The following CCSER1 variants were observed in gnomAD, a reference collection of about 807,000 sequenced individuals.
CCSER1 encodes serine-rich coiled-coil domain-containing protein 1.
In CCSER1, 41 loss-of-function variants were observed where a neutral mutation model predicts 82.0. That is an observed-to-expected ratio of 0.50 (90% CI 0.39 to 0.65). CCSER1 has a LOEUF of 0.65. CCSER1 is among the 30% of genes least tolerant of loss of function. CCSER1 has a pLI of 0.00. For missense variants in CCSER1, 1,119 were observed against 1,064.2 expected, an observed-to-expected ratio of 1.05 and a Z score of -0.72; for synonymous variants, 414 against 383.9, an observed-to-expected ratio of 1.08 and a Z score of -0.92.
chr4:90,490,698 A>G (rs920014471), intron 5 of CCSER1, among the ~76,000 whole-genome samples: 1 of 152,088 alleles, frequency 6.6e-6, no homozygotes, highest in South Asian at 2.1e-4. Flanking sequence ...TAATTTTTAT[A>G]TAAGGTTTAA....
At chr4:91,021,087 C>T (rs1581355932) in intron 9 of CCSER1, among the ~76,000 whole-genome samples, 2 of 152,166 alleles carry the variant, frequency 1.3e-5, no homozygotes, top group East Asian at 3.9e-4. Context: ...AATTAAATCC[C>T]TATATAGATA....
chr4:91,032,054 C>T (rs192084869), intron 9 of CCSER1, among the ~76,000 whole-genome samples: 64 of 152,020 alleles, frequency 4.2e-4, no homozygotes, highest in African/African-American at 1.4e-3. Context: ...CACCTTAATG[C>T]ACTATATTCT....
intron 10 of CCSER1, among the ~76,000 whole-genome samples, chr4:91,584,265 A>C (rs1763879499): frequency 6.6e-6 from 1 of 151,398 alleles, no homozygotes; most frequent in African/African-American, 2.4e-5. Flanking sequence ...CTCAGTTTTC[A>C]GAGAAAAAAT....
At chr4:90,192,053 T>C (rs1461302224) in intron 1 of CCSER1, among the ~76,000 whole-genome samples, 1 of 152,080 alleles carries the variant, frequency 6.6e-6, no homozygotes, top group Non-Finnish European at 1.5e-5. Flanking sequence ...GTTTTCACGC[T>C]GCTGATAAAG....
At chr4:91,391,288 T>G (rs895071726) in intron 10 of CCSER1, among the ~76,000 whole-genome samples, 1 of 152,056 alleles carries the variant, frequency 6.6e-6, no homozygotes, top group African/African-American at 2.4e-5. Flanking sequence ...TCTCCAGAGA[T>G]TTCACCTATC....
At chr4:90,595,297 A>G (rs955185494) in intron 5 of CCSER1, among the ~76,000 whole-genome samples, 8 of 152,188 alleles carry the variant, frequency 5.3e-5, no homozygotes, top group African/African-American at 1.9e-4. Flanking sequence ...TTATTTTAAC[A>G]GCTGAGATTT....
intron 10 of CCSER1, among the ~76,000 whole-genome samples, chr4:91,189,273 T>C (rs746273094): frequency 1.3e-5 from 2 of 152,142 alleles, no homozygotes; most frequent in Non-Finnish European, 2.9e-5. Flanking sequence ...TTTCTTTATT[T>C]GATTTAGGTA....
In CCSER1 at chr4:90,631,807, A is replaced by G. The variant is rs377610726; in HGVS notation, c.1932+3575A>G. On this transcript the variant is annotated intron_variant, in intron 6 of 10. Transcript: ENST00000509176. ...TGACACCACAAGTGGAAAATTCCAC[A>G]TATAAGTACTTTAAACCACTTGTTT... Among the ~76,000 whole-genome samples the G allele has an allele frequency of 8.5e-5, 13 of 152,348 alleles. No individual in the cohort carries two copies. The East Asian group carries it at 2.5e-3, about 29-fold the overall frequency.
At chr4:90,226,683 G>A (rs1743220145) in intron 1 of CCSER1, among the ~76,000 whole-genome samples, 1 of 152,208 alleles carries the variant, frequency 6.6e-6, no homozygotes. Flanking sequence ...AGGGGCTTTG[G>A]CTTTCCACCT....
intron 2 of CCSER1, among the ~76,000 whole-genome samples, chr4:90,310,831 A>G (rs1014819267): frequency 6.6e-6 from 1 of 152,154 alleles, no homozygotes; most frequent in African/African-American, 2.4e-5. Flanking sequence ...ATCCATAAAC[A>G]TAGAATTTCA....
chr4:91,363,660 T>C (rs1247563122), intron 10 of CCSER1, among the ~76,000 whole-genome samples: 1 of 151,756 alleles, frequency 6.6e-6, no homozygotes, highest in East Asian at 1.9e-4. Flanking sequence ...GTTAGAGCTT[T>C]TGGTGAACAA....
At chr4:91,028,821 CCAGAGGGAA>C (rs1740720210) in intron 9 of CCSER1, among the ~76,000 whole-genome samples, 1 of 151,836 alleles carries the variant, frequency 6.6e-6, no homozygotes, top group Non-Finnish European at 1.5e-5. Flanking sequence ...GCAGTCATAA[CCAGAGGGAA>C]TGCTTTTGCA....
intron 10 of CCSER1, among the ~76,000 whole-genome samples, chr4:91,089,014 A>G (rs1723668934): frequency 1.3e-5 from 2 of 152,138 alleles, no homozygotes; most frequent in African/African-American, 2.4e-5. Context: ...AGGACGAGCC[A>G]TGGACAAAAC....
At chr4:90,330,020 A>T (rs926135429) in intron 3 of CCSER1, among the ~76,000 whole-genome samples, 1 of 152,180 alleles carries the variant, frequency 6.6e-6, no homozygotes, top group Non-Finnish European at 1.5e-5. Context: ...AAAAAATAAC[A>T]TAGAAGAAAA....
At chr4:90,762,207 G>C (rs1561089545) in intron 7 of CCSER1, among the ~76,000 whole-genome samples, 1 of 152,042 alleles carries the variant, frequency 6.6e-6, no homozygotes, top group Non-Finnish European at 1.5e-5. Flanking sequence ...TAGTAAGTGA[G>C]TTCTCATGAG....
intron 9 of CCSER1, among the ~76,000 whole-genome samples, chr4:91,034,607 A>G (rs1289002925): frequency 1.3e-5 from 2 of 152,160 alleles, no homozygotes; most frequent in African/African-American, 4.8e-5. Flanking sequence ...TATTTGTATG[A>G]GCCTTGGCCA....
At chr4:91,181,402 C>G (rs1025521700) in intron 10 of CCSER1, among the ~76,000 whole-genome samples, 1 of 152,210 alleles carries the variant, frequency 6.6e-6, no homozygotes, top group Non-Finnish European at 1.5e-5. Flanking sequence ...GTAACTCCTT[C>G]AAGCACTCCA....
At chr4:90,945,047 G>A (rs889385520) in intron 9 of CCSER1, among the ~76,000 whole-genome samples, 14 of 152,176 alleles carry the variant, frequency 9.2e-5, no homozygotes, top group African/African-American at 3.4e-4. Flanking sequence ...TTTAAAACAA[G>A]TTGAAGTGAG....
At chr4:90,595,348 A>T (rs1783204436) in intron 5 of CCSER1, among the ~76,000 whole-genome samples, 1 of 151,964 alleles carries the variant, frequency 6.6e-6, no homozygotes, top group Non-Finnish European at 1.5e-5. Flanking sequence ...AGTGTTTGAA[A>T]ATTATGGTAG....
Sources: gnomAD v4.1 joint callset for allele counts (sites outside exome capture counted in the v4.1 genomes callset) on GRCh38, gnomAD v4.1.1 for gene constraint, MANE v1.5 for transcripts, NCBI Gene and HGNC (gene_info 2026-07-23, HGNC 2026-07-21) for gene names.